SLC30A9: variants seen among roughly 807,000 people sequenced by gnomAD.
SLC30A9 encodes solute carrier family 30 member 9, also known as proton-coupled zinc antiporter SLC30A9, mitochondrial.
In SLC30A9, 58 loss-of-function variants were observed where a neutral mutation model predicts 87.5. That is an observed-to-expected ratio of 0.66 (90% confidence interval 0.54 to 0.82). The LOEUF is 0.82. SLC30A9 is among the 40% of genes least tolerant of loss of function. The pLI is 0.00. For missense variants in SLC30A9, 557 were observed against 679.1 expected (o/e 0.82, Z 2.00); for synonymous variants, 234 against 233.0 (o/e 1.00, Z -0.04).
In SLC30A9 at chr4:42,057,956, G is replaced by T. The variant is rs146692248; in HGVS notation, c.841-2235G>T. ...ATCTCTACTAAAAATACAAAAATTA[G>T]CTGGGTGTGGTGGCACTTGCCTGTA... On this transcript the variant is annotated intron_variant, in intron 9 of 17. Coordinates refer to ENST00000264451, the MANE Select transcript of SLC30A9 (RefSeq NM_006345.4). Among the ~76,000 whole-genome samples the T allele has an allele frequency of 1.7e-3, 260 of 152,092 alleles. 1 individual carries two copies. Among genetic ancestry groups the T allele is most frequent in the African/African-American group, 6.1e-3 (252 of 41,460 alleles).
intron 8 of SLC30A9, among the ~76,000 whole-genome samples, chr4:42,048,875 T>C (rs974508029): frequency 1.3e-5 from 2 of 152,226 alleles, no homozygotes; most frequent in Non-Finnish European, 2.9e-5. Context: ...CAGTACATAA[T>C]CTATATTTTT....
chr4:42,078,568 C>T, intron 17 of SLC30A9: 1 of 257,458 alleles, frequency 3.9e-6, no homozygotes, highest in Non-Finnish European at 7.4e-6. Context: ...TTTTATGCAG[C>T]CTGCTTAGTT....
At chr4:42,069,783 G>A (rs982142974) in intron 14 of SLC30A9, among the ~76,000 whole-genome samples, 1 of 152,190 alleles carries the variant, frequency 6.6e-6, no homozygotes, top group Non-Finnish European at 1.5e-5. Context: ...TGGGAGAGAA[G>A]CCCTGACAAC....
chr4:42,073,823 T>C (rs1414306754), intron 15 of SLC30A9, among the ~76,000 whole-genome samples: 2 of 152,240 alleles, frequency 1.3e-5, no homozygotes, highest in African/African-American at 4.8e-5. Context: ...CTCATCACTT[T>C]GCCATATTTG....
intron 17 of SLC30A9, among the ~76,000 whole-genome samples, chr4:42,085,792 G>A (rs568960198): frequency 6.6e-6 from 1 of 151,998 alleles, no homozygotes; most frequent in East Asian, 2.0e-4. Flanking sequence ...ACACAAAAAT[G>A]TGTATTTCCA....
intron 4 of SLC30A9, 31 bp downstream of exon 4, chr4:42,020,546 CAT>C (rs770566445): frequency 3.5e-5 from 41 of 1,184,184 alleles, no homozygotes; most frequent in Non-Finnish European, 1.1e-5. Context: ...AGCCGTGTGT[CAT>C]ATCTAAATAA....
At chr4:42,036,456 C>T (rs1361279518) in intron 7 of SLC30A9, among the ~76,000 whole-genome samples, 1 of 152,130 alleles carries the variant, frequency 6.6e-6, no homozygotes, top group Non-Finnish European at 1.5e-5. Context: ...ACCCCACCAC[C>T]CCACTGAAAT....
At chr4:42,056,209 AT>A (rs1393370408) in intron 9 of SLC30A9, among the ~76,000 whole-genome samples, 3 of 152,082 alleles carry the variant, frequency 2.0e-5, no homozygotes, top group African/African-American at 7.2e-5. Context: ...TATTTTAAAA[AT>A]AATATAAATA....
chr4:41,990,723 A>T lies in SLC30A9; in HGVS notation c.72A>T (p.Arg24=), dbSNP rs761569792. 1.1e-5 allele frequency: 17 copies of T among 1,611,824 alleles called. No individual in the cohort carries two copies. Among genetic ancestry groups the T allele is most frequent in the Non-Finnish European group, 1.4e-5 (17 of 1,179,386 alleles). Residue 24 remains arginine (R), a synonymous_variant, in exon 1 of 18, where the codon CGA becomes CGT. Coordinates refer to ENST00000264451, the MANE Select transcript of SLC30A9 (RefSeq NM_006345.4). The part of the protein sequence containing the change: ...SWSSLCRLRL[R]CRAAACNPSD... ...CCTCCCTGTGCCGGCTCCGTCTGCG[A>T]TGCAGGGCGGCGGCCTGTAATCCCA...
chr4:42,015,607 G>C (rs77348145), intron 2 of SLC30A9, among the ~76,000 whole-genome samples: 402 of 152,196 alleles, frequency 2.6e-3, no homozygotes, highest in African/African-American at 9.4e-3. Flanking sequence ...CTTTGCTTTT[G>C]GGATTATCCT....
chr4:42,000,108 A>C (rs955701761), intron 1 of SLC30A9, among the ~76,000 whole-genome samples: 2 of 152,056 alleles, frequency 1.3e-5, no homozygotes, highest in African/African-American at 4.8e-5. Flanking sequence ...AAAAGAGAAC[A>C]CTGAAAAAAA....
intron 7 of SLC30A9, among the ~76,000 whole-genome samples, chr4:42,036,890 A>G (rs1472400667): frequency 6.6e-6 from 1 of 152,120 alleles, no homozygotes; most frequent in East Asian, 1.9e-4. Flanking sequence ...GTGCTGGGAT[A>G]ACTTAGGCTG....
intron 14 of SLC30A9, 54 bp from the exon 15 acceptor site, chr4:42,070,472 C>T (rs1318136403): frequency 7.1e-7 from 1 of 1,400,412 alleles, no homozygotes; most frequent in African/African-American, 1.4e-5. Context: ...CTATAAAGTT[C>T]ACTGAAATAA....
At chr4:42,030,130 G>A (rs905504499) in intron 6 of SLC30A9, 25 of 895,364 alleles carry the variant, frequency 2.8e-5, no homozygotes, top group Middle Eastern at 3.9e-4. Flanking sequence ...CTGATCACAA[G>A]CACAAATCTT....
intron 2 of SLC30A9, among the ~76,000 whole-genome samples, chr4:42,007,381 T>TGCAC (rs1448346531): frequency 2.0e-5 from 3 of 152,120 alleles, no homozygotes; most frequent in Non-Finnish European, 2.9e-5. Flanking sequence ...CTATGGAAGG[T>TGCAC]CTTAACAGAT....
At chr4:42,067,833 G>A (rs964145507) in intron 14 of SLC30A9, among the ~76,000 whole-genome samples, 5 of 152,140 alleles carry the variant, frequency 3.3e-5, no homozygotes, top group African/African-American at 1.2e-4. Context: ...AGTGTGCCCT[G>A]CCATGGGATG....
chr4:42,079,254 A>G (rs1184173164), intron 17 of SLC30A9, among the ~76,000 whole-genome samples: 2 of 152,028 alleles, frequency 1.3e-5, no homozygotes, highest in Admixed American at 6.6e-5. Context: ...TAAAATATTT[A>G]TCATTTACTT....
chr4:42,050,170 A>C (rs533649624), intron 9 of SLC30A9, among the ~76,000 whole-genome samples: 6 of 152,324 alleles, frequency 3.9e-5, no homozygotes, highest in African/African-American at 1.4e-4. Context: ...AGCAATATTA[A>C]TTAAAAATTA....
chr4:41,994,839 A>G (rs1714624957), intron 1 of SLC30A9, among the ~76,000 whole-genome samples: 1 of 150,596 alleles, frequency 6.6e-6, no homozygotes. Context: ...AAAAAAAAAA[A>G]AAAAAAAGAC....
Sources: gnomAD v4.1 joint callset for allele counts (sites outside exome capture counted in the v4.1 genomes callset) on GRCh38, gnomAD v4.1.1 for gene constraint, MANE v1.5 for transcripts, NCBI Gene and HGNC (gene_info 2026-07-23, HGNC 2026-07-21) for gene names.